The following AXIN1 variants were observed in gnomAD, a reference collection of about 807,000 sequenced individuals.
AXIN1 encodes the protein axin-1.
In AXIN1, 30 loss-of-function variants were observed where a neutral mutation model predicts 76.4. The ratio of observed to expected loss-of-function variants is 0.39; its 90% CI spans 0.29 to 0.53. The LOEUF is 0.53. AXIN1 is among the 20% of genes least tolerant of loss of function. The pLI is 0.66. For synonymous variants in AXIN1, 545 were observed against 501.4 expected, an observed-to-expected ratio of 1.09 and a Z score of -1.16; for missense variants, 1,140 against 1,198.8, an observed-to-expected ratio of 0.95 and a Z score of 0.72.
At chr16:335,867 T>C (rs1365563583) in intron 2 of AXIN1, among the ~76,000 whole-genome samples, 1 of 152,142 alleles carries the variant, frequency 6.6e-6, no homozygotes, top group Non-Finnish European at 1.5e-5. Flanking sequence ...AAGATTTAAG[T>C]TGGAAAGTAA....
At chr16:348,059 T>G (rs1049220016) in intron 1 of AXIN1, among the ~76,000 whole-genome samples, 2 of 152,190 alleles carry the variant, frequency 1.3e-5, no homozygotes, top group Non-Finnish European at 2.9e-5. Flanking sequence ...CAGGGAACTA[T>G]AGAATTTGCT....
intron 7 of AXIN1, among the ~76,000 whole-genome samples, chr16:294,045 C>T (rs2052642110): frequency 6.6e-6 from 1 of 152,160 alleles, no homozygotes; most frequent in Non-Finnish European, 1.5e-5. Context: ...CCTGTCATCC[C>T]TGCTACTCTG....
intron 3 of AXIN1, among the ~76,000 whole-genome samples, chr16:311,045 C>T (rs897655882): frequency 1.3e-5 from 2 of 151,922 alleles, no homozygotes; most frequent in African/African-American, 4.8e-5. Flanking sequence ...TTATTTTTTT[C>T]TTTTTGAGAC....
intron 1 of AXIN1, among the ~76,000 whole-genome samples, chr16:351,385 A>G (rs9933578): frequency 0.25 from 37,576 of 151,942 alleles, 4,776 homozygotes; most frequent in South Asian, 0.31. Flanking sequence ...CAAAGTGGGC[A>G]GATCACCTGA....
At chr16:320,677 A>G (rs1458405579) in intron 2 of AXIN1, among the ~76,000 whole-genome samples, 2 of 149,736 alleles carry the variant, frequency 1.3e-5, no homozygotes, top group African/African-American at 4.9e-5. Context: ...GTAAATGTAT[A>G]TATGTGTGTA....
chr16:341,384 G>A (rs2141684228), intron 2 of AXIN1, among the ~76,000 whole-genome samples: 1 of 152,380 alleles, frequency 6.6e-6, no homozygotes, highest in South Asian at 2.1e-4. Context: ...CCGGCCGCGG[G>A]CAATGAGGGG....
intron 2 of AXIN1, among the ~76,000 whole-genome samples, chr16:338,044 G>A (rs963852725): frequency 2.0e-5 from 3 of 152,168 alleles, no homozygotes; most frequent in Admixed American, 2.0e-4. Flanking sequence ...CCCTCCACAC[G>A]CACAAGTAGG....
At chr16:347,596 G>A (rs1406020684) in intron 1 of AXIN1, among the ~76,000 whole-genome samples, 1 of 152,208 alleles carries the variant, frequency 6.6e-6, no homozygotes, top group African/African-American at 2.4e-5. Flanking sequence ...CTACAGCCCC[G>A]AAGGTGGTGG....
Position 304,394 on chromosome 16 carries a change from G to A in AXIN1, c.1164C>T (p.Phe388=), listed in dbSNP as rs566061517. The change falls in exon 5 of 11, where the codon TTC becomes TTT. Residue 388 remains phenylalanine, a synonymous_variant. Coordinates refer to ENST00000262320, the MANE Select transcript of AXIN1 (RefSeq NM_003502.4). Reference sequence around the variant, plus strand: ...CCAGGCGGTGGATGAGCTCCTCCGCGAACTTCTGAGGCTCCACGCGGACCT... The same window carrying A: ...CCAGGCGGTGGATGAGCTCCTCCGCAAACTTCTGAGGCTCCACGCGGACCT... ...PKEVRVEPQK[F]AEELIHRLEA... 75 of 1,612,742 alleles carry A rather than the reference G, an allele frequency of 4.7e-5. No homozygotes were observed. The highest frequency in any genetic ancestry group is 5.7e-5 in the Non-Finnish European group (67 of 1,179,956).
At chr16:297,646 T>C (rs2052750341) in intron 6 of AXIN1, 76 bp downstream of exon 6, 1 of 1,467,546 alleles carries the variant, frequency 6.8e-7, no homozygotes, top group East Asian at 2.5e-5. Flanking sequence ...TCCTGAGTTT[T>C]ATGAGGAGGT....
chr16:304,982 G>A (rs546499096), intron 4 of AXIN1, among the ~76,000 whole-genome samples: 160 of 152,220 alleles, frequency 1.1e-3, no homozygotes, highest in Admixed American at 5.1e-3. Context: ...AGCGTCTCCC[G>A]ACTACCAGAT....
chr16:288,077 C>G lies in AXIN1; in HGVS notation c.*45G>C. 6.2e-7 allele frequency: 1 copy of G among 1,612,244 alleles called. No homozygotes were observed. ...CATCTGCCTGGCCGTGACACCCGTGCCCGCCAAGGGCCTCGCCTGGCACAG... is the reference window on the plus strand; with the variant it reads ...CATCTGCCTGGCCGTGACACCCGTGGCCGCCAAGGGCCTCGCCTGGCACAG... On this transcript the variant is annotated 3_prime_UTR_variant, in exon 11 of 11. Coordinates refer to ENST00000262320, the MANE Select transcript of AXIN1 (RefSeq NM_003502.4).
intron 1 of AXIN1, among the ~76,000 whole-genome samples, chr16:352,048 G>C (rs1308899175): frequency 6.6e-6 from 1 of 152,066 alleles, no homozygotes; most frequent in Non-Finnish European, 1.5e-5. Flanking sequence ...GGGCGGGCGG[G>C]AGTGTCCTCC....
chr16:299,077 T>C, intron 5 of AXIN1: 6 of 985,412 alleles, frequency 6.1e-6, no homozygotes, highest in Non-Finnish European at 7.2e-6. Flanking sequence ...TCCCATTATA[T>C]TTTAAGGAGA....
intron 10 of AXIN1, among the ~76,000 whole-genome samples, chr16:288,667 C>T (rs925545789): frequency 6.6e-6 from 1 of 152,238 alleles, no homozygotes; most frequent in African/African-American, 2.4e-5. Flanking sequence ...TGGGAACCAC[C>T]CGCCAGGCTC....
At chr16:289,143 C>T (rs1338681010) in intron 10 of AXIN1, among the ~76,000 whole-genome samples, 1 of 151,522 alleles carries the variant, frequency 6.6e-6, no homozygotes, top group Non-Finnish European at 1.5e-5. Flanking sequence ...GGCTGGAGAG[C>T]AGTGGCGTGA....
At chr16:331,970 C>T (rs2053699526) in intron 2 of AXIN1, among the ~76,000 whole-genome samples, 1 of 152,188 alleles carries the variant, frequency 6.6e-6, no homozygotes, top group Non-Finnish European at 1.5e-5. Flanking sequence ...AAGGGCCCGA[C>T]CCTGACTACA....
intron 1 of AXIN1, among the ~76,000 whole-genome samples, chr16:348,322 A>C (rs919749771): frequency 1.3e-5 from 2 of 152,242 alleles, no homozygotes; most frequent in Admixed American, 6.5e-5. Context: ...AAAAGCCTAG[A>C]GTGCTGAACA....
chr16:287,786 A>C lies in AXIN1; in HGVS notation c.*336T>G. On this transcript the variant is annotated 3_prime_UTR_variant, in exon 11 of 11. Coordinates refer to ENST00000262320, the MANE Select transcript of AXIN1 (RefSeq NM_003502.4). ...GTACGTGGGCAAATCCCAGAGGGAA[A>C]GTAGATCCCAGCACACGTGCCCAAG... 6.6e-6 allele frequency: 3 copies of C among 452,954 alleles called. No homozygotes were observed. The highest frequency in any genetic ancestry group is 8.2e-6 in the Non-Finnish European group (2 of 242,934). 28.1% of individuals were successfully genotyped at this position (452,954 alleles called of 1,614,324 possible). A position where few individuals can be genotyped will look rare whatever the true frequency, so the allele number is the denominator to read the frequency against.
Sources: allele counts gnomAD v4.1 joint callset (sites outside exome capture counted in the v4.1 genomes callset), GRCh38; gene constraint gnomAD v4.1.1; transcripts MANE v1.5; gene names NCBI Gene and HGNC (gene_info 2026-07-23, HGNC 2026-07-21).